The following IGDCC3 variants were observed in gnomAD, a reference collection of about 807,000 sequenced individuals.
The protein encoded by IGDCC3 is putative neuronal cell adhesion molecule.
A neutral mutation model predicts 72.0 loss-of-function variants in IGDCC3; 47 were observed. That is an observed-to-expected ratio of 0.65 (90% CI 0.52 to 0.83). The LOEUF is 0.83. Ranked by LOEUF, IGDCC3 falls within the 40% of genes least tolerant of loss-of-function variation. IGDCC3 has a pLI of 0.00. For missense variants in IGDCC3, 1,038 were observed against 1,091.3 expected, an observed-to-expected ratio of 0.95 and a Z score of 0.69; for synonymous variants, 477 against 472.8, an observed-to-expected ratio of 1.01 and a Z score of -0.11.
rs2090930472 is a variant in IGDCC3 at position 65,327,616 on chromosome 15, A to G, written c.*1293T>C. On this transcript the variant is annotated 3_prime_UTR_variant, in exon 14 of 14. Transcript: ENST00000327987. ...GTTTTCTTTTCTTCTTCTTTAACTA[A>G]GTAGTTCAAAGAACAACACAACAGA... The G allele has an allele frequency of 6.6e-6, 1 of 152,634 alleles. No homozygotes were observed. Among genetic ancestry groups the G allele is most frequent in the African/African-American group, 2.4e-5 (1 of 41,468 alleles). 9.5% of individuals were successfully genotyped at this position (152,634 alleles called of 1,614,324 possible). A position where few individuals can be genotyped will look rare whatever the true frequency, so the allele number is the denominator to read the frequency against.
At chr15:65,368,301 A>T (rs1466107200) in intron 2 of IGDCC3, among the ~76,000 whole-genome samples, 1 of 130,428 alleles carries the variant, frequency 7.7e-6, no homozygotes, top group African/African-American at 2.9e-5. Flanking sequence ...GAGGGGACAG[A>T]GGGTTAAGGG....
intron 2 of IGDCC3, among the ~76,000 whole-genome samples, chr15:65,351,743 G>A (rs542275063): frequency 7.2e-5 from 11 of 152,222 alleles, no homozygotes; most frequent in Middle Eastern, 3.4e-3. Flanking sequence ...GCATAAATGT[G>A]TTATTGGTAT....
At chr15:65,373,429 C>T (rs989427768) in intron 2 of IGDCC3, 5 of 152,370 alleles carry the variant, frequency 3.3e-5, no homozygotes, top group East Asian at 3.8e-4. Flanking sequence ...AGGGCTGCCT[C>T]CCAGCGAACT....
chr15:65,342,008 C>G (rs1431156230), intron 2 of IGDCC3, among the ~76,000 whole-genome samples: 3 of 152,100 alleles, frequency 2.0e-5, no homozygotes, highest in Non-Finnish European at 2.9e-5. Context: ...CTCCTGGCCT[C>G]AAGTGATCCT....
In IGDCC3 at chr15:65,344,646, G is replaced by A. The variant is rs184460842; in HGVS notation, c.410-8690C>T. On this transcript the variant is annotated intron_variant, in intron 2 of 13. Transcript: ENST00000327987. ...GCAAGGCCAAAGGCGTGGCTGCAGG[G>A]GAGGCAAACAGGGCTCTCAGCAGCC... Among the ~76,000 whole-genome samples the A allele has an allele frequency of 5.5e-3, 832 of 152,322 alleles. 3 individuals carry two copies. Among genetic ancestry groups the A allele is most frequent in the Non-Finnish European group, 9.2e-3 (624 of 68,028 alleles).
Position 65,329,416 on chromosome 15 carries a change from C to T in IGDCC3, c.2179G>A (p.Ala727Thr), listed in dbSNP as rs762434335. ...GTGGGTCTGGGGTCCGGCTGCCCTG[C>T]TGCGCTGGCCGGGGGGAACAGCTGC... is the stretch of plus-strand genomic sequence containing the variant. ...LEQLFPPASA[A>T]GQPDPRPTQD... The change falls in exon 13 of 14, where the codon GCA becomes ACA. Residue 727 changes from alanine to threonine, a missense_variant. Transcript: ENST00000327987. This position sits in a 1 kb window ranked among gnomAD's most constrained non-coding sequence, Gnocchi z 4.1. 1.9e-6 allele frequency: 3 copies of T among 1,596,052 alleles called. No homozygotes were observed. The highest frequency in any genetic ancestry group is 2.3e-5 in the South Asian group (2 of 88,658).
At chr15:65,365,757 C>T (rs2091285601) in intron 2 of IGDCC3, among the ~76,000 whole-genome samples, 1 of 152,194 alleles carries the variant, frequency 6.6e-6, no homozygotes, top group Admixed American at 6.5e-5. Context: ...ATGGTAAACA[C>T]AGGAACTCTC....
intron 2 of IGDCC3, among the ~76,000 whole-genome samples, chr15:65,370,304 A>G (rs764498848): frequency 6.6e-6 from 1 of 151,748 alleles, no homozygotes; most frequent in Non-Finnish European, 1.5e-5. Context: ...ACTTGAGGTC[A>G]GGAGTTAGAG....
rs2091369834 is a variant in IGDCC3, at chr15:65,377,869, G to A, written c.-81C>T. 1 of 1,054,798 alleles carries A rather than the reference G, an allele frequency of 9.5e-7. No homozygotes were observed. Among genetic ancestry groups the A allele is most frequent in the East Asian group, 7.6e-5 (1 of 13,100 alleles). 65.3% of individuals were successfully genotyped at this position (1,054,798 alleles called of 1,614,324 possible). ...CACAGCGTCCCGCGGGGCCGGCGCC[G>A]GGGCCGGGGCTGGGGCTCCGGCCGG... is the stretch of plus-strand genomic sequence containing the variant. On this transcript the variant is annotated 5_prime_UTR_variant, in exon 1 of 14. Transcript: ENST00000327987. This position sits in a 1 kb window ranked among gnomAD's most constrained non-coding sequence, Gnocchi z 4.9.
intron 6 of IGDCC3, 125 bp from the exon 7 acceptor site, chr15:65,332,231 GCC>G: frequency 8.7e-7 from 1 of 1,149,918 alleles, no homozygotes; most frequent in East Asian, 2.6e-5. Context: ...ACACACATCT[GCC>G]CCCTGGAGAC....
At chr15:65,376,846 G>A (rs747658941) in intron 1 of IGDCC3, among the ~76,000 whole-genome samples, 2 of 152,144 alleles carry the variant, frequency 1.3e-5, no homozygotes, top group Admixed American at 6.5e-5. Context: ...GGGAACTTGA[G>A]GTGGGAGGGT....
chr15:65,374,578 A>G (rs2091346504), intron 2 of IGDCC3, among the ~76,000 whole-genome samples: 1 of 152,058 alleles, frequency 6.6e-6, no homozygotes, highest in Admixed American at 6.6e-5. Flanking sequence ...ATCCTACCAT[A>G]TTTTTTTAAT....
Position 65,377,590 on chromosome 15 carries a change from G to T in IGDCC3, c.103+96C>A. On this transcript the variant is annotated intron_variant, in intron 1 of 13. Coordinates refer to ENST00000327987, the MANE Select transcript of IGDCC3 (RefSeq NM_004884.4). This position sits in a 1 kb window ranked among gnomAD's most constrained non-coding sequence, Gnocchi z 4.9. Reference sequence around the variant, plus strand: ...CGGGGTCCGCCCTCAGGTCCGCGCCGCTCTCCCCGGGTCCGCCCCTCGCGC... The same window carrying T: ...CGGGGTCCGCCCTCAGGTCCGCGCCTCTCTCCCCGGGTCCGCCCCTCGCGC... 1 of 1,208,522 alleles carries T rather than the reference G, an allele frequency of 8.3e-7. No homozygotes were observed. Among genetic ancestry groups the T allele is most frequent in the Non-Finnish European group, 1.1e-6 (1 of 952,204 alleles). 74.9% of individuals were successfully genotyped at this position (1,208,522 alleles called of 1,614,324 possible). A position where few individuals can be genotyped will look rare whatever the true frequency, so the allele number is the denominator to read the frequency against.
chr15:65,374,060 C>G (rs1363367321), intron 2 of IGDCC3: 1 of 152,126 alleles, frequency 6.6e-6, no homozygotes, highest in African/African-American at 2.4e-5. Context: ...TGCTTGAACC[C>G]GGGAGATAGA....
chr15:65,370,620 G>GTGTATA (rs1491326161), intron 2 of IGDCC3, among the ~76,000 whole-genome samples: 93 of 94,576 alleles, frequency 9.8e-4, no homozygotes, highest in African/African-American at 2.9e-3. Flanking sequence ...ATATGTATGT[G>GTGTATA]TATATATATA....
At chr15:65,349,529 C>T (rs925035624) in intron 2 of IGDCC3, among the ~76,000 whole-genome samples, 1 of 152,150 alleles carries the variant, frequency 6.6e-6, no homozygotes, top group African/African-American at 2.4e-5. Flanking sequence ...GCTATGAATT[C>T]GTTTTTCTGT....
At position 65,355,546 on chromosome 15, in the gene IGDCC3, G is replaced by T. The variant is rs868162901; in HGVS notation, c.409+19551C>A. Among the ~76,000 whole-genome samples the T allele has an allele frequency of 2.6e-3, 386 of 149,668 alleles. 2 individuals carry two copies. Among genetic ancestry groups the T allele is most frequent in the African/African-American group, 8.5e-3 (352 of 41,222 alleles). On this transcript the variant is annotated intron_variant, in intron 2 of 13. Transcript: ENST00000327987. Reference sequence around the variant, plus strand: ...AGGACGCGGCGGGCCCCTTCCCGGCGGCCGGGCCCGAGGCGGGGGCCGGTT... The same window carrying T: ...AGGACGCGGCGGGCCCCTTCCCGGCTGCCGGGCCCGAGGCGGGGGCCGGTT...
chr15:65,328,295 CTTTTTTTTT>C lies in IGDCC3; in HGVS notation c.*605_*613del, dbSNP rs1555429861. 1 of 71,898 alleles carries C rather than the reference CTTTTTTTTT, an allele frequency of 1.4e-5. No homozygotes were observed. Among genetic ancestry groups the C allele is most frequent in the Middle Eastern group, 0.012 (1 of 82 alleles). The allele number at this position is 71,898 out of a possible 1,614,324, so 4.5% of individuals were successfully genotyped here. A position where few individuals can be genotyped will look rare whatever the true frequency, so the allele number is the denominator to read the frequency against. ...TTTCACACCTGGAAACGGGGAAGTG[CTTTTTTTTT>C]TTTTTTTTTTTTTACTCTGGACAAC... On this transcript the variant is annotated 3_prime_UTR_variant, in exon 14 of 14. Transcript: ENST00000327987.
Position 65,329,960 on chromosome 15 carries a change from CACTCCCAAGTGGGAGTGGG to C in IGDCC3, c.1859-115_1859-97del. ...GGACTCCTCTTCCTTCAGCTGCTCC[CACTCCCAAGTGGGAGTGGG>C]AACATCCTTTGACTTTGCCTACAGG... On this transcript the variant is annotated intron_variant, in intron 11 of 13. Coordinates refer to ENST00000327987, the MANE Select transcript of IGDCC3 (RefSeq NM_004884.4). This position sits in a 1 kb window ranked among gnomAD's most constrained non-coding sequence, Gnocchi z 4.1. 1 of 1,363,226 alleles carries C rather than the reference CACTCCCAAGTGGGAGTGGG, an allele frequency of 7.3e-7. No homozygotes were observed. The highest frequency in any genetic ancestry group is 1.0e-6 in the Non-Finnish European group (1 of 969,044). The allele number at this position is 1,363,226 out of a possible 1,614,324, so 84.4% of individuals were successfully genotyped here. A position where few individuals can be genotyped will look rare whatever the true frequency, so the allele number is the denominator to read the frequency against.
Sources: allele counts gnomAD v4.1 joint callset (sites outside exome capture counted in the v4.1 genomes callset), GRCh38; gene constraint gnomAD v4.1.1; non-coding constraint Gnocchi (gnomAD v3.1); transcripts MANE v1.5; gene names NCBI Gene and HGNC (gene_info 2026-07-23, HGNC 2026-07-21).